The following FRMPD4 variants were observed in gnomAD, a reference collection of about 807,000 sequenced individuals.
FRMPD4 encodes FERM and PDZ domain containing 4.
Under a neutral mutation model 94.1 loss-of-function variants are expected in FRMPD4, and 22 were observed. That is an observed-to-expected ratio of 0.23 (90% CI 0.17 to 0.33). The LOEUF (loss-of-function observed/expected upper bound fraction) is 0.33, where lower values mean the gene tolerates loss of function less well. FRMPD4 is among the 10% of genes least tolerant of loss of function. The probability of loss-of-function intolerance (pLI) is 1.00; values close to 1 mark genes in which losing one functional copy is unlikely to be tolerated. For missense variants in FRMPD4, 1,111 were observed against 1,339.9 expected, an observed-to-expected ratio of 0.83 and a Z score of 2.67; for synonymous variants, 631 against 548.6, an observed-to-expected ratio of 1.15 and a Z score of -2.10.
Position 12,479,385 on chromosome X carries a change from T to TATATATACATATATACAC in FRMPD4, c.42-19288_42-19287insCATATATACACATATATA, listed in dbSNP as rs1555971390. On this transcript the variant is annotated intron_variant, in intron 1 of 16. Transcript: ENST00000675598. ...ACACACACATATACATATATACACA[T>TATATATACATATATACAC]ATATATATACATATATACACATATA... 2.3e-3 allele frequency among the ~76,000 whole-genome samples: 194 copies of TATATATACATATATACAC among 84,569 alleles called. 2 individuals carry two copies. Among genetic ancestry groups the TATATATACATATATACAC allele is most frequent in the African/African-American group, 7.9e-3 (164 of 20,848 alleles). 73.4% of individuals were successfully genotyped at this position (84,569 alleles called of 115,157 possible).
intron 3 of FRMPD4, among the ~76,000 whole-genome samples, chrX:12,095,468 C>G (rs752758343): frequency 2.7e-5 from 3 of 110,913 alleles, no homozygotes; most frequent in Non-Finnish European, 5.7e-5. Flanking sequence ...AATTGAAACA[C>G]AACCATGTTC....
intron 1 of FRMPD4, among the ~76,000 whole-genome samples, chrX:11,856,093 G>A (rs886526787): frequency 1.3e-4 from 14 of 111,684 alleles, no homozygotes; most frequent in Non-Finnish European, 2.3e-4. Flanking sequence ...GAGATAATGA[G>A]TGCCCAGTGA....
intron 3 of FRMPD4, among the ~76,000 whole-genome samples, chrX:11,978,468 T>C (rs17281194): frequency 0.087 from 9,526 of 109,965 alleles, 364 homozygotes; most frequent in East Asian, 0.24. Context: ...AAGATTGAAA[T>C]ATCTAGGGCA....
chrX:11,985,690 A>G (rs1346400837), intron 3 of FRMPD4, among the ~76,000 whole-genome samples: 1 of 111,572 alleles, frequency 9.0e-6, no homozygotes, highest in African/African-American at 3.3e-5. Flanking sequence ...CCTAGGCCTG[A>G]CATTATTAAC....
At chrX:11,842,867 A>G (rs1408465498) in intron 1 of FRMPD4, among the ~76,000 whole-genome samples, 1 of 108,042 alleles carries the variant, frequency 9.3e-6, no homozygotes, top group Non-Finnish European at 1.9e-5. Flanking sequence ...CCCATTCAGT[A>G]TGATATTGGC....
chrX:12,391,735 G>A (rs998431171), intron 1 of FRMPD4, among the ~76,000 whole-genome samples: 2 of 111,124 alleles, frequency 1.8e-5, no homozygotes, highest in Non-Finnish European at 3.8e-5. Context: ...GCTCCTCAGG[G>A]TTGAGGAGCT....
Position 12,716,865 on chromosome X carries a change from C to A in FRMPD4, c.2406C>A (p.Ser802=). 8.3e-7 allele frequency: 1 copy of A among 1,211,794 alleles called. No individual in the cohort carries two copies. Among genetic ancestry groups the A allele is most frequent in the Non-Finnish European group, 1.1e-6 (1 of 895,358 alleles). The change falls in exon 15 of 17, where the codon TCC becomes TCA. Residue 802 remains serine, a synonymous_variant. Coordinates refer to ENST00000675598, the MANE Select transcript of FRMPD4 (RefSeq NM_001368397.1). ...DDNEDDFLLR[S]LNMAIAAPPP... ...ATGAGGATGACTTCCTGTTGCGTTC[C>A]TTGAACATGGCCATTGCCGCACCCC...
chrX:12,294,118 A>G (rs1230239233), intron 1 of FRMPD4, among the ~76,000 whole-genome samples: 1 of 110,959 alleles, frequency 9.0e-6, no homozygotes, highest in African/African-American at 3.3e-5. Flanking sequence ...AAAGCTAGCT[A>G]TTACCCAACT....
At chrX:12,395,019 G>C (rs1159419593) in intron 1 of FRMPD4, among the ~76,000 whole-genome samples, 1 of 112,239 alleles carries the variant, frequency 8.9e-6, no homozygotes. Context: ...CCTGAATCCA[G>C]CTTGCCACAT....
intron 1 of FRMPD4, among the ~76,000 whole-genome samples, chrX:12,142,944 C>A (rs1397906776): frequency 8.9e-6 from 1 of 112,019 alleles, no homozygotes; most frequent in East Asian, 2.8e-4. Context: ...TGTTCATTCT[C>A]CCCCTTTACA....
chrX:12,172,678 G>C (rs886566639), intron 1 of FRMPD4, among the ~76,000 whole-genome samples: 2 of 112,005 alleles, frequency 1.8e-5, no homozygotes, highest in Admixed American at 1.9e-4. Context: ...AGGAGGAGTA[G>C]AAGGGAGAAA....
chrX:12,296,394 C>A (rs1040739852), intron 1 of FRMPD4, among the ~76,000 whole-genome samples: 1 of 111,809 alleles, frequency 8.9e-6, no homozygotes, highest in Non-Finnish European at 1.9e-5. Flanking sequence ...AGCTGTGGGA[C>A]AGGACATAAA....
intron 1 of FRMPD4, among the ~76,000 whole-genome samples, chrX:12,317,111 T>C (rs913525526): frequency 4.5e-5 from 5 of 111,962 alleles, no homozygotes; most frequent in Non-Finnish European, 9.4e-5. Flanking sequence ...CAAAGACATG[T>C]ATGCAGTCTT....
chrX:12,125,155 G>A (rs2055488693), intron 3 of FRMPD4, among the ~76,000 whole-genome samples: 2 of 111,767 alleles, frequency 1.8e-5, no homozygotes, highest in Admixed American at 9.5e-5. Flanking sequence ...ATTCCATACT[G>A]AGAGTCCAAA....
intron 1 of FRMPD4, among the ~76,000 whole-genome samples, chrX:12,321,196 C>A (rs1363370913): frequency 1.8e-5 from 2 of 112,025 alleles, no homozygotes; most frequent in Admixed American, 9.5e-5. Context: ...TCCTGGAGAA[C>A]AAATTTTTGT....
intron 1 of FRMPD4, among the ~76,000 whole-genome samples, chrX:12,464,055 CTAAA>C (rs1327537399): frequency 3.6e-5 from 4 of 111,498 alleles, no homozygotes; most frequent in South Asian, 3.8e-4. Context: ...CCTAAAATAG[CTAAA>C]TAAATATCTG....
chrX:12,413,206 A>AT (rs1365141137), intron 1 of FRMPD4, among the ~76,000 whole-genome samples: 1 of 111,760 alleles, frequency 8.9e-6, no homozygotes. Flanking sequence ...GTATATAGAT[A>AT]TCCCAGTTCC....
intron 1 of FRMPD4, among the ~76,000 whole-genome samples, chrX:12,353,234 A>G (rs1282337346): frequency 2.7e-5 from 3 of 112,022 alleles, no homozygotes; most frequent in African/African-American, 9.7e-5. Context: ...TCTCACTGGT[A>G]GTATCTGTCA....
intron 1 of FRMPD4, among the ~76,000 whole-genome samples, chrX:12,161,288 A>G (rs1201152455): frequency 9.0e-6 from 1 of 111,218 alleles, no homozygotes; most frequent in East Asian, 2.8e-4. Flanking sequence ...CCTTCCATGT[A>G]GCTGGGACCA....
Sources: allele counts gnomAD v4.1 joint callset (sites outside exome capture counted in the v4.1 genomes callset), GRCh38; gene constraint gnomAD v4.1.1; transcripts MANE v1.5; gene names NCBI Gene and HGNC (gene_info 2026-07-23, HGNC 2026-07-21).